Variants in PTPRD observed in about 807,000 individuals in gnomAD.
PTPRD encodes protein tyrosine phosphatase receptor type D.
PTPRD carries 34 observed loss-of-function variants against 214.5 expected under a neutral mutation model. That is an observed-to-expected ratio of 0.16 (90% CI 0.12 to 0.21). PTPRD has a LOEUF of 0.21. Among genes scored for constraint, PTPRD ranks in the 10% least tolerant of loss-of-function variants. PTPRD has a pLI of 1.00. For synonymous variants in PTPRD, 1,128 were observed against 845.7 expected, an observed-to-expected ratio of 1.33 and a Z score of -5.79; for missense variants, 2,545 against 2,398.7, an observed-to-expected ratio of 1.06 and a Z score of -1.27.
chr9:8,588,488 C>G (rs993275128), intron 14 of PTPRD, among the ~76,000 whole-genome samples: 1 of 151,952 alleles, frequency 6.6e-6, no homozygotes, highest in East Asian at 1.9e-4. Flanking sequence ...TTTTAAACCA[C>G]AATTCTTTTT....
chr9:8,900,126 G>A (rs1053994101), intron 11 of PTPRD, among the ~76,000 whole-genome samples: 4 of 151,848 alleles, frequency 2.6e-5, no homozygotes, highest in South Asian at 2.1e-4. Context: ...GGCCGTGAGC[G>A]GACTTATATG....
At chr9:8,410,154 G>T (rs10815857) in intron 35 of PTPRD, among the ~76,000 whole-genome samples, 22,262 of 152,208 alleles carry the variant, frequency 0.15, 1,870 homozygotes, top group Non-Finnish European at 0.19. Flanking sequence ...AAAAGACCAC[G>T]TTTGCATAGA....
Position 9,361,474 on chromosome 9 carries a change from T to C in PTPRD, c.-203+35975A>G, listed in dbSNP as rs138305869. 1.2e-3 allele frequency among the ~76,000 whole-genome samples: 176 copies of C among 151,250 alleles called. 1 individual carries two copies. The highest frequency in any genetic ancestry group is 4.0e-3 in the African/African-American group (166 of 41,446). ...CCTGATTACCTTGTTCATAGTGTTT[T>C]TTAAAATGCACCATGGCTCTTTACT... On this transcript the variant is annotated intron_variant, in intron 9 of 45. Coordinates refer to ENST00000381196, the MANE Select transcript of PTPRD (RefSeq NM_002839.4).
chr9:8,606,052 T>A (rs1030857414), intron 14 of PTPRD, among the ~76,000 whole-genome samples: 1 of 152,176 alleles, frequency 6.6e-6, no homozygotes, highest in African/African-American at 2.4e-5. Flanking sequence ...TTTCATTCCA[T>A]TTTATGCTTT....
chr9:10,109,253 C>T (rs1245798362), intron 3 of PTPRD, among the ~76,000 whole-genome samples: 2 of 152,084 alleles, frequency 1.3e-5, no homozygotes, highest in East Asian at 3.8e-4. Flanking sequence ...CTACTGTATT[C>T]TCATACGGAT....
intron 10 of PTPRD, among the ~76,000 whole-genome samples, chr9:9,024,207 C>T (rs982980669): frequency 6.6e-6 from 1 of 151,634 alleles, no homozygotes; most frequent in Admixed American, 6.6e-5. Flanking sequence ...CTTACTCTTC[C>T]ATGAGTATTT....
chr9:10,498,010 A>C (rs1428556747), intron 2 of PTPRD, among the ~76,000 whole-genome samples: 4 of 152,028 alleles, frequency 2.6e-5, no homozygotes, highest in African/African-American at 9.7e-5. Flanking sequence ...GAAGGTCATG[A>C]CTTCAGTTAA....
chr9:8,521,217 G>A (rs1564030962), intron 20 of PTPRD, 60 bp downstream of exon 20: 1 of 1,532,484 alleles, frequency 6.5e-7, no homozygotes, highest in Non-Finnish European at 8.8e-7. Flanking sequence ...GCTTTCTAGA[G>A]GCATTAGTCA....
chr9:9,507,132 G>T (rs892026725), intron 8 of PTPRD, among the ~76,000 whole-genome samples: 1 of 151,216 alleles, frequency 6.6e-6, no homozygotes, highest in Non-Finnish European at 1.5e-5. Context: ...ATTTTAAAAA[G>T]AATTTGAATG....
intron 7 of PTPRD, among the ~76,000 whole-genome samples, chr9:9,581,952 G>C (rs1017628356): frequency 1.3e-5 from 2 of 152,098 alleles, no homozygotes; most frequent in African/African-American, 2.4e-5. Flanking sequence ...TAATAGATTT[G>C]ATATTCTGGT....
chr9:9,495,562 C>T (rs915049361), intron 8 of PTPRD, among the ~76,000 whole-genome samples: 4 of 152,060 alleles, frequency 2.6e-5, no homozygotes, highest in African/African-American at 9.7e-5. Flanking sequence ...AGGGAGATGG[C>T]TGGACCTTGA....
chr9:8,611,350 T>C (rs2095438176), intron 14 of PTPRD, among the ~76,000 whole-genome samples: 3 of 151,912 alleles, frequency 2.0e-5, no homozygotes, highest in Admixed American at 1.3e-4. Context: ...CACTAAAAGA[T>C]GAGGAAAATG....
In PTPRD at chr9:8,317,291, C is replaced by G. The variant is rs554904607; in HGVS notation, c.*583G>C. On this transcript the variant is annotated 3_prime_UTR_variant, in exon 46 of 46. Coordinates refer to ENST00000381196, the MANE Select transcript of PTPRD (RefSeq NM_002839.4). ...GTAACTTTTTTAAAATTCACTTTAT[C>G]GAATGATACATTTTGTTAAAAAAAA... 5 of 231,814 alleles carry G rather than the reference C, an allele frequency of 2.2e-5. No homozygotes were observed. The South Asian group carries it at 5.4e-4, about 25-fold the overall frequency. 14.4% of individuals were successfully genotyped at this position (231,814 alleles called of 1,614,324 possible). A position where few individuals can be genotyped will look rare whatever the true frequency, so the allele number is the denominator to read the frequency against.
chr9:8,795,138 T>A (rs540899043), intron 11 of PTPRD, among the ~76,000 whole-genome samples: 23 of 152,160 alleles, frequency 1.5e-4, no homozygotes, highest in African/African-American at 5.1e-4. Flanking sequence ...ATTAGTATCA[T>A]CCACCCCTAT....
intron 9 of PTPRD, among the ~76,000 whole-genome samples, chr9:9,334,661 T>C (rs2043714193): frequency 6.6e-6 from 1 of 151,998 alleles, no homozygotes; most frequent in South Asian, 2.1e-4. Context: ...GTTACCTTTT[T>C]CATTGGTAGA....
intron 12 of PTPRD, among the ~76,000 whole-genome samples, chr9:8,703,196 A>G (rs1395857506): frequency 6.6e-6 from 1 of 152,226 alleles, no homozygotes; most frequent in Non-Finnish European, 1.5e-5. Flanking sequence ...GGATGGTAAT[A>G]GACTATTCTT....
intron 11 of PTPRD, among the ~76,000 whole-genome samples, chr9:8,766,409 T>A (rs147695263): frequency 1.3e-5 from 2 of 152,066 alleles, no homozygotes; most frequent in Admixed American, 6.6e-5. Context: ...CAGGGTCAGG[T>A]CCCCAATTTG....
intron 11 of PTPRD, chr9:8,962,716 T>G (rs914251915): frequency 6.6e-6 from 1 of 152,130 alleles, no homozygotes; most frequent in Non-Finnish European, 1.5e-5. Flanking sequence ...CAAGGAGGGC[T>G]GAAGAGAAAA....
intron 2 of PTPRD, among the ~76,000 whole-genome samples, chr9:10,573,166 T>G (rs772133313): frequency 5.9e-5 from 9 of 152,152 alleles, no homozygotes; most frequent in Non-Finnish European, 1.3e-4. Context: ...AACAAGATTC[T>G]CAACTCCTGA....
Sources: gnomAD v4.1 joint callset for allele counts (sites outside exome capture counted in the v4.1 genomes callset) on GRCh38, gnomAD v4.1.1 for gene constraint, MANE v1.5 for transcripts, NCBI Gene and HGNC (gene_info 2026-07-23, HGNC 2026-07-21) for gene names.